GNA12: variants seen among roughly 807,000 people sequenced by gnomAD.
GNA12 encodes G protein subunit alpha 12, also known as guanine nucleotide-binding protein subunit alpha-12.
In GNA12, 9 loss-of-function variants were observed where a neutral mutation model predicts 26.0. The ratio of observed to expected loss-of-function variants is 0.35; its 90% confidence interval spans 0.21 to 0.60. The LOEUF (loss-of-function observed/expected upper bound fraction) is 0.60, where lower values mean the gene tolerates loss of function less well. Ranked by LOEUF, GNA12 falls within the 20% of genes least tolerant of loss-of-function variation. GNA12 has a pLI of 0.78. For synonymous variants in GNA12, 264 were observed against 219.6 expected (o/e 1.20, Z -1.79); for missense variants, 405 against 525.8 (o/e 0.77, Z 2.25).
At chr7:2,766,931 T>C (rs1021162156) in intron 2 of GNA12, among the ~76,000 whole-genome samples, 41 of 152,340 alleles carry the variant, frequency 2.7e-4, no homozygotes, top group African/African-American at 7.7e-4. Flanking sequence ...GTAGCCATTC[T>C]AATGGATGTG....
chr7:2,783,403 C>T (rs78077245), intron 2 of GNA12, among the ~76,000 whole-genome samples: 2,482 of 152,186 alleles, frequency 0.016, 84 homozygotes, highest in African/African-American at 0.057. Context: ...CCTCCCTCTC[C>T]CTGCCCTGCT....
At chr7:2,806,909 T>C (rs1426313443) in intron 1 of GNA12, among the ~76,000 whole-genome samples, 3 of 152,218 alleles carry the variant, frequency 2.0e-5, no homozygotes, top group Non-Finnish European at 4.4e-5. Context: ...TTCCTAGATG[T>C]TGAATTATAA....
chr7:2,826,927 T>C (rs1227785768), intron 1 of GNA12, among the ~76,000 whole-genome samples: 3 of 152,222 alleles, frequency 2.0e-5, no homozygotes. Context: ...ATGCAAACTA[T>C]GGACTTCAGT....
chr7:2,827,969 C>T, intron 1 of GNA12, among the ~76,000 whole-genome samples: 1 of 151,968 alleles, frequency 6.6e-6, no homozygotes, highest in East Asian at 1.9e-4. Context: ...TCTTACTTTA[C>T]CAGAAGAGTT....
At chr7:2,785,599 A>G (rs1792338110) in intron 2 of GNA12, among the ~76,000 whole-genome samples, 1 of 152,232 alleles carries the variant, frequency 6.6e-6, no homozygotes. Flanking sequence ...GACTTATCCT[A>G]TGAGCTGAAA....
intron 2 of GNA12, among the ~76,000 whole-genome samples, chr7:2,769,546 C>T (rs535014384): frequency 1.3e-3 from 198 of 151,936 alleles, no homozygotes; most frequent in South Asian, 4.4e-3. Context: ...CTGGCCAACA[C>T]GGTGAAACCC....
At chr7:2,752,921 T>A (rs1212767538) in intron 2 of GNA12, among the ~76,000 whole-genome samples, 1 of 152,192 alleles carries the variant, frequency 6.6e-6, no homozygotes, top group Admixed American at 6.5e-5. Flanking sequence ...GTCACCTGTC[T>A]AGATTTGTGT....
At chr7:2,779,221 G>A (rs1383576186) in intron 2 of GNA12, among the ~76,000 whole-genome samples, 1 of 152,118 alleles carries the variant, frequency 6.6e-6, no homozygotes, top group Non-Finnish European at 1.5e-5. Context: ...GTGGTGGCAT[G>A]CCTGTAGTCC....
intron 1 of GNA12, among the ~76,000 whole-genome samples, chr7:2,823,324 A>G (rs1793411564): frequency 1.3e-5 from 2 of 152,206 alleles, no homozygotes; most frequent in Admixed American, 6.5e-5. Flanking sequence ...ATCTGACTGA[A>G]GGCTGATAGC....
chr7:2,750,997 A>G (rs1791007376), intron 2 of GNA12, among the ~76,000 whole-genome samples: 1 of 152,212 alleles, frequency 6.6e-6, no homozygotes, highest in African/African-American at 2.4e-5. Context: ...TGTACATCAG[A>G]AAGTATTTTG....
intron 2 of GNA12, among the ~76,000 whole-genome samples, chr7:2,766,146 T>C (rs1482238690): frequency 6.6e-6 from 1 of 152,172 alleles, no homozygotes; most frequent in African/African-American, 2.4e-5. Flanking sequence ...CAGCCCCTGG[T>C]AACCAGCATT....
rs192605974 is a variant in GNA12 at position 2,844,293 on chromosome 7, C to A, written c.-132G>T. 0.11 allele frequency: 32,320 copies of A among 300,966 alleles called. 1,920 individuals are homozygous for A. The highest frequency in any genetic ancestry group is 0.15 in the Admixed American group (2,217 of 15,110). 18.6% of individuals were successfully genotyped at this position (300,966 alleles called of 1,614,324 possible). A position where few individuals can be genotyped will look rare whatever the true frequency, so the allele number is the denominator to read the frequency against. On this transcript the variant is annotated 5_prime_UTR_variant, in exon 1 of 4. Transcript: ENST00000275364. The stretch of plus-strand genomic sequence containing the variant: ...CCTCAGGCCGCGTCCGCCGCCGCCG[C>A]TGCAGTCGCTCCGAGGCCCGCACTC...
At chr7:2,784,853 G>C (rs534107663) in intron 2 of GNA12, among the ~76,000 whole-genome samples, 1 of 152,242 alleles carries the variant, frequency 6.6e-6, no homozygotes, top group Admixed American at 6.5e-5. Context: ...CCATACAAAT[G>C]TTAAAAACGT....
intron 2 of GNA12, chr7:2,762,910 A>T: frequency 7.1e-7 from 1 of 1,416,444 alleles, no homozygotes; most frequent in Middle Eastern, 2.2e-4. Flanking sequence ...CGGGGAGAAG[A>T]GGCCACAGGC....
At chr7:2,786,213 C>T (rs180906244) in intron 2 of GNA12, among the ~76,000 whole-genome samples, 6 of 152,268 alleles carry the variant, frequency 3.9e-5, no homozygotes, top group Admixed American at 3.9e-4. Context: ...GTTTTCATCC[C>T]GTGCTATAAT....
chr7:2,839,764 G>T (rs1448233167), intron 1 of GNA12, among the ~76,000 whole-genome samples: 1 of 152,148 alleles, frequency 6.6e-6, no homozygotes, highest in Non-Finnish European at 1.5e-5. Context: ...ACTTTGGGAG[G>T]CCGAGGCGGG....
intron 2 of GNA12, among the ~76,000 whole-genome samples, chr7:2,775,908 G>A (rs188788631): frequency 6.6e-6 from 1 of 152,338 alleles, no homozygotes; most frequent in African/African-American, 2.4e-5. Flanking sequence ...TGTGGAAAAG[G>A]TCCGTACAGC....
intron 2 of GNA12, among the ~76,000 whole-genome samples, chr7:2,772,710 C>T (rs1290484144): frequency 6.6e-6 from 1 of 152,110 alleles, no homozygotes; most frequent in Non-Finnish European, 1.5e-5. Context: ...CTAACTGTCC[C>T]ACACTGCTGG....
chr7:2,781,839 G>A (rs769535896), intron 2 of GNA12, among the ~76,000 whole-genome samples: 3 of 152,002 alleles, frequency 2.0e-5, no homozygotes, highest in Non-Finnish European at 4.4e-5. Context: ...CTCCTCAAGG[G>A]AACGCAAATC....
Sources: allele counts gnomAD v4.1 joint callset (sites outside exome capture counted in the v4.1 genomes callset), GRCh38; gene constraint gnomAD v4.1.1; transcripts MANE v1.5; gene names NCBI Gene and HGNC (gene_info 2026-07-23, HGNC 2026-07-21).